The following AKAP19 variants were observed in gnomAD, a reference collection of about 807,000 sequenced individuals.
AKAP19 encodes small A-kinase anchoring protein.
chr2:189,976,806 G>C, the AKAP19 span, among the ~76,000 whole-genome samples: 3 of 152,180 alleles, frequency 2.0e-5, no homozygotes, highest in African/African-American at 7.2e-5. Flanking sequence ...CTGGTGTGCC[G>C]TTTACTAAGA....
At chr2:190,101,446 G>A in the AKAP19 span, among the ~76,000 whole-genome samples, 30 of 152,120 alleles carry the variant, frequency 2.0e-4, no homozygotes, top group South Asian at 6.2e-4. Context: ...CCACTCCACC[G>A]CCAGGCAGAA....
At chr2:190,121,357 C>G in the AKAP19 span, among the ~76,000 whole-genome samples, 1 of 152,148 alleles carries the variant, frequency 6.6e-6, no homozygotes, top group African/African-American at 2.4e-5. Flanking sequence ...AAGTGATCCT[C>G]CTGCCTTGGC....
the AKAP19 span, among the ~76,000 whole-genome samples, chr2:190,032,535 A>G: frequency 2.0e-5 from 3 of 152,170 alleles, no homozygotes; most frequent in Admixed American, 2.0e-4. Context: ...TTGAGGTGCC[A>G]AGGACTAACT....
chr2:190,197,883 C>T, the AKAP19 span, among the ~76,000 whole-genome samples: 23 of 152,110 alleles, frequency 1.5e-4, no homozygotes, highest in Admixed American at 1.4e-3. This position sits in a 1 kb window ranked among gnomAD's most constrained non-coding sequence, Gnocchi z 4.0. Context: ...CCACTCACAG[C>T]CTTTTATTTA....
At chr2:190,099,024 T>C in the AKAP19 span, among the ~76,000 whole-genome samples, 1 of 152,232 alleles carries the variant, frequency 6.6e-6, no homozygotes, top group Non-Finnish European at 1.5e-5. Context: ...TAAAGGAATG[T>C]TGTGGCTGGT....
chr2:190,158,147 C>G, the AKAP19 span, among the ~76,000 whole-genome samples: 2,862 of 152,318 alleles, frequency 0.019, 50 homozygotes, highest in South Asian at 0.055. Context: ...TCAAATCAAT[C>G]ACGACCCTTT....
chr2:189,902,230 A>G, the AKAP19 span, among the ~76,000 whole-genome samples: 3 of 152,006 alleles, frequency 2.0e-5, no homozygotes, highest in African/African-American at 7.2e-5. Flanking sequence ...GTATGTAGCT[A>G]TCTGATGAGA....
the AKAP19 span, among the ~76,000 whole-genome samples, chr2:190,192,195 A>G: frequency 3.3e-5 from 5 of 151,994 alleles, no homozygotes; most frequent in Non-Finnish European, 7.4e-5. Context: ...TTCCAATCCC[A>G]TTTGTTGAAA....
At chr2:190,075,123 C>T in the AKAP19 span, among the ~76,000 whole-genome samples, 15 of 152,184 alleles carry the variant, frequency 9.9e-5, no homozygotes, top group South Asian at 2.1e-4. Flanking sequence ...CAAAATATTT[C>T]GTAATTTTTC....
chr2:190,065,577 G>A, the AKAP19 span, among the ~76,000 whole-genome samples: 1 of 152,100 alleles, frequency 6.6e-6, no homozygotes, highest in South Asian at 2.1e-4. Flanking sequence ...TGTGAGTTCA[G>A]TGTTAATGAA....
the AKAP19 span, among the ~76,000 whole-genome samples, chr2:190,032,443 C>T: frequency 6.6e-6 from 1 of 152,122 alleles, no homozygotes; most frequent in Non-Finnish European, 1.5e-5. Flanking sequence ...AAGTGGTGAA[C>T]TCAGTATAGT....
At chr2:190,133,984 A>C in the AKAP19 span, among the ~76,000 whole-genome samples, 1 of 152,212 alleles carries the variant, frequency 6.6e-6, no homozygotes, top group Non-Finnish European at 1.5e-5. Context: ...AGTAGATTTT[A>C]GGTGTTTTCG....
At chr2:190,068,039 T>C in the AKAP19 span, among the ~76,000 whole-genome samples, 7 of 152,206 alleles carry the variant, frequency 4.6e-5, no homozygotes, top group South Asian at 2.1e-4. Flanking sequence ...CCATTTCTGC[T>C]AAAAATACAG....
chr2:189,976,326 C>G, the AKAP19 span, among the ~76,000 whole-genome samples: 1 of 152,232 alleles, frequency 6.6e-6, no homozygotes, highest in Non-Finnish European at 1.5e-5. Flanking sequence ...GCTGCCTGAT[C>G]ATTCCTCTGA....
the AKAP19 span, among the ~76,000 whole-genome samples, chr2:190,082,027 T>G: frequency 6.6e-6 from 1 of 152,154 alleles, no homozygotes; most frequent in Non-Finnish European, 1.5e-5. Flanking sequence ...TCCCTCCTTT[T>G]TACCTGGTAA....
the AKAP19 span, chr2:190,199,848 A>G: frequency 6.2e-7 from 1 of 1,610,144 alleles, no homozygotes; most frequent in African/African-American, 1.3e-5. Context: ...CTCCACAAAC[A>G]GCTCTTCATA....
the AKAP19 span, among the ~76,000 whole-genome samples, chr2:190,171,432 A>G: frequency 0.14 from 20,926 of 152,070 alleles, 1,808 homozygotes; most frequent in Middle Eastern, 0.22. Context: ...AATGAAAATC[A>G]TTTTATTGGA....
the AKAP19 span, among the ~76,000 whole-genome samples, chr2:190,017,674 A>T: frequency 6.6e-6 from 1 of 152,188 alleles, no homozygotes; most frequent in African/African-American, 2.4e-5. Context: ...CATACTAGAG[A>T]TGAAATTGCT....
the AKAP19 span, among the ~76,000 whole-genome samples, chr2:189,929,956 T>A: frequency 6.6e-6 from 1 of 152,192 alleles, no homozygotes; most frequent in Admixed American, 6.5e-5. Context: ...CTTCAGTACA[T>A]ACAATTTAAA....
Sources: allele counts gnomAD v4.1 joint callset (sites outside exome capture counted in the v4.1 genomes callset), GRCh38; gene constraint gnomAD v4.1.1; non-coding constraint Gnocchi (gnomAD v3.1); transcripts MANE v1.5; gene names NCBI Gene and HGNC (gene_info 2026-07-23, HGNC 2026-07-21).